Variants in EYS observed in about 807,000 individuals in gnomAD.
The protein encoded by EYS is protein eyes shut homolog.
EYS carries 250 observed loss-of-function variants against 282.1 expected under a neutral mutation model. The ratio of observed to expected loss-of-function variants is 0.89; its 90% CI spans 0.80 to 0.98. The LOEUF (loss-of-function observed/expected upper bound fraction) is 0.98, where lower values mean the gene tolerates loss of function less well. Ranked by LOEUF, EYS falls within the 50% of genes least tolerant of loss-of-function variation. EYS has a pLI of 0.00. For missense variants in EYS, 4,016 were observed against 3,709.0 expected (o/e 1.08, Z -2.15); for synonymous variants, 1,355 against 1,282.9 (o/e 1.06, Z -1.20).
chr6:65,075,883 G>A (rs959907471), intron 12 of EYS, among the ~76,000 whole-genome samples: 1 of 151,940 alleles, frequency 6.6e-6, no homozygotes, highest in Admixed American at 6.6e-5. Flanking sequence ...TTCCTGGCAG[G>A]CAACTACAGT....
At chr6:65,286,058 T>A (rs1768352948) in intron 12 of EYS, among the ~76,000 whole-genome samples, 1 of 151,868 alleles carries the variant, frequency 6.6e-6, no homozygotes, top group Non-Finnish European at 1.5e-5. Flanking sequence ...ATACTATGCC[T>A]TAAAAAATCT....
At chr6:65,042,710 T>A (rs1583427733) in intron 13 of EYS, among the ~76,000 whole-genome samples, 1 of 151,436 alleles carries the variant, frequency 6.6e-6, no homozygotes, top group Non-Finnish European at 1.5e-5. Context: ...TTTTAAAAAA[T>A]AAAAATTTTG....
At chr6:64,312,783 A>G (rs1769770987) in intron 29 of EYS, among the ~76,000 whole-genome samples, 1 of 152,208 alleles carries the variant, frequency 6.6e-6, no homozygotes, top group Non-Finnish European at 1.5e-5. Context: ...GACCAGTAGC[A>G]GAGGGAACTG....
At chr6:64,300,117 A>T (rs1044431981) in intron 30 of EYS, among the ~76,000 whole-genome samples, 1 of 152,190 alleles carries the variant, frequency 6.6e-6, no homozygotes, top group Non-Finnish European at 1.5e-5. Flanking sequence ...GTAATGCAAG[A>T]TCAACAAGGC....
intron 22 of EYS, among the ~76,000 whole-genome samples, chr6:64,674,880 G>T (rs561724034): frequency 6.6e-6 from 1 of 151,802 alleles, no homozygotes; most frequent in Non-Finnish European, 1.5e-5. Flanking sequence ...AAGTTTTAAC[G>T]CTTGAAAACT....
chr6:64,374,096 C>G (rs1450943299), intron 29 of EYS, among the ~76,000 whole-genome samples: 6 of 150,326 alleles, frequency 4.0e-5, no homozygotes, highest in African/African-American at 1.5e-4. Flanking sequence ...AGTGGCGGGG[C>G]AGGTAAAGTG....
At chr6:65,648,314 A>ATG (rs58196369) in intron 1 of EYS, among the ~76,000 whole-genome samples, 10,709 of 147,738 alleles carry the variant, frequency 0.072, 522 homozygotes, top group East Asian at 0.19. Flanking sequence ...AAGAAAATAT[A>ATG]TGTGTGTGTG....
chr6:65,249,082 A>G (rs1208948635), intron 12 of EYS, among the ~76,000 whole-genome samples: 1 of 151,686 alleles, frequency 6.6e-6, no homozygotes, highest in Non-Finnish European at 1.5e-5. Flanking sequence ...AAAAAAAACA[A>G]AACTCAAACC....
chr6:65,590,919 A>G (rs1473182100), intron 2 of EYS, among the ~76,000 whole-genome samples: 1 of 151,806 alleles, frequency 6.6e-6, no homozygotes, highest in East Asian at 1.9e-4. Flanking sequence ...GCTATTGTGA[A>G]TAGTGCTACA....
chr6:64,016,774 C>T (rs1046316068), intron 33 of EYS, among the ~76,000 whole-genome samples: 41 of 152,166 alleles, frequency 2.7e-4, no homozygotes, highest in Non-Finnish European at 5.7e-4. Context: ...CCATGCTTGG[C>T]CTCTTTTTGA....
At chr6:64,082,048 C>T (rs1413700538) in intron 31 of EYS, 46 bp from the exon 32 acceptor site, 1 of 1,263,520 alleles carries the variant, frequency 7.9e-7, no homozygotes, top group Admixed American at 2.4e-5. Flanking sequence ...CATTATATTG[C>T]TACTCAAGTA....
intron 35 of EYS, among the ~76,000 whole-genome samples, chr6:63,955,923 C>T (rs900295901): frequency 2.0e-5 from 3 of 152,128 alleles, no homozygotes; most frequent in Admixed American, 6.6e-5. Context: ...CAGGTCATCA[C>T]CAATCATTCT....
chr6:65,342,675 T>A (rs1770242814), intron 10 of EYS, among the ~76,000 whole-genome samples: 1 of 150,542 alleles, frequency 6.6e-6, no homozygotes, highest in Non-Finnish European at 1.5e-5. Context: ...AGTTGAAGGA[T>A]GTGTATTTAT....
intron 31 of EYS, among the ~76,000 whole-genome samples, chr6:64,205,814 T>TACACACACAC (rs147264812): frequency 2.8e-4 from 38 of 136,376 alleles, no homozygotes; most frequent in Admixed American, 1.0e-3. Flanking sequence ...TAGGCATTCA[T>TACACACACAC]ACACACACAC....
At chr6:63,896,581 A>G (rs568607583) in intron 35 of EYS, among the ~76,000 whole-genome samples, 2 of 152,300 alleles carry the variant, frequency 1.3e-5, no homozygotes, top group Non-Finnish European at 2.9e-5. Flanking sequence ...TCCCAAATCC[A>G]TATCTTACAT....
intron 14 of EYS, among the ~76,000 whole-genome samples, chr6:64,990,016 A>G (rs1562290095): frequency 4.6e-5 from 7 of 151,414 alleles, no homozygotes; most frequent in Admixed American, 3.3e-4. Flanking sequence ...ATACTTGCAC[A>G]TGTGCTTGTT....
chr6:65,359,116 T>C (rs1453214187), intron 8 of EYS, among the ~76,000 whole-genome samples: 1 of 151,974 alleles, frequency 6.6e-6, no homozygotes, highest in Non-Finnish European at 1.5e-5. Flanking sequence ...GTAATTCTGG[T>C]AAGCAAACAG....
intron 2 of EYS, among the ~76,000 whole-genome samples, chr6:65,588,779 A>G (rs1034663188): frequency 3.3e-5 from 5 of 152,094 alleles, no homozygotes; most frequent in Admixed American, 3.3e-4. Context: ...GCAGGATTCT[A>G]TAACTCCTAA....
intron 18 of EYS, among the ~76,000 whole-genome samples, chr6:64,892,674 T>G (rs1011295212): frequency 6.6e-6 from 1 of 152,094 alleles, no homozygotes; most frequent in African/African-American, 2.4e-5. Flanking sequence ...TATATAAATA[T>G]ATGTCTACAT....
Sources: allele counts gnomAD v4.1 joint callset (sites outside exome capture counted in the v4.1 genomes callset), GRCh38; gene constraint gnomAD v4.1.1; transcripts MANE v1.5; gene names NCBI Gene and HGNC (gene_info 2026-07-23, HGNC 2026-07-21).